Variants in TMEM200A observed in about 807,000 individuals in gnomAD.
TMEM200A encodes the protein two transmembrane C.
A neutral mutation model predicts 24.3 loss-of-function variants in TMEM200A; 12 were observed. The ratio of observed to expected loss-of-function variants is 0.49; its 90% CI spans 0.32 to 0.80. The LOEUF is 0.80. Ranked by LOEUF, TMEM200A falls within the 30% of genes least tolerant of loss-of-function variation. TMEM200A has a pLI of 0.04. For synonymous variants in TMEM200A, 224 were observed against 224.4 expected (o/e 1.00, Z 0.02); for missense variants, 545 against 614.4 (o/e 0.89, Z 1.19).
chr6:130,399,656 A>G (rs1029386709), intron 2 of TMEM200A, among the ~76,000 whole-genome samples: 4 of 150,350 alleles, frequency 2.7e-5, no homozygotes, highest in African/African-American at 9.8e-5. Flanking sequence ...TTTATTCCCT[A>G]TTTATATTCA....
intron 2 of TMEM200A, among the ~76,000 whole-genome samples, chr6:130,429,642 T>A (rs1779828583): frequency 6.6e-6 from 1 of 152,118 alleles, no homozygotes; most frequent in African/African-American, 2.4e-5. Context: ...ATGCAAGGAA[T>A]TAAACCATAA....
chr6:130,406,370 T>C (rs1456329942), intron 2 of TMEM200A, among the ~76,000 whole-genome samples: 1 of 152,076 alleles, frequency 6.6e-6, no homozygotes, highest in Non-Finnish European at 1.5e-5. Context: ...CCCTAAACAA[T>C]ATCTTGGATT....
chr6:130,437,665 C>G (rs2115231206), intron 2 of TMEM200A: 1 of 152,250 alleles, frequency 6.6e-6, no homozygotes. Flanking sequence ...TTCTCAACTA[C>G]TCTGGAAGTT....
Position 130,440,387 on chromosome 6 carries a change from C to CTTTT in TMEM200A, c.-16-13_-16-10dup. The CTTTT allele has an allele frequency of 7.5e-7, 1 of 1,341,998 alleles. No homozygotes were observed. Among genetic ancestry groups the CTTTT allele is most frequent in the Non-Finnish European group, 9.9e-7 (1 of 1,005,094 alleles). 83.1% of individuals were successfully genotyped at this position (1,341,998 alleles called of 1,614,324 possible). A position where few individuals can be genotyped will look rare whatever the true frequency, so the allele number is the denominator to read the frequency against. ...GGAACATATTTACATCATCTTTTTC[C>CTTTT]TTTTTTTTTTCTTCTTCAGAGTAAA... On this transcript the variant is annotated intron_variant, in intron 2 of 2. Coordinates refer to ENST00000296978, the MANE Select transcript of TMEM200A (RefSeq NM_001258277.2).
rs1317891593 is a variant in TMEM200A, at chr6:130,441,273, C to A, written c.851C>A (p.Ser284Tyr). The change falls in exon 3 of 3, where the codon TCC (serine) becomes TAC (tyrosine). Residue 284 changes from serine to tyrosine, a missense_variant. By Grantham distance (144) the Ser-to-Tyr change is moderately radical. Transcript: ENST00000296978. ...KCETKSIVSS[S>Y]ISAFTLPVIK... is the part of the protein sequence containing the mutation. ...GAAACCAAGTCAATTGTGTCATCGT[C>A]CATCAGTGCTTTTACATTGCCTGTG... is the stretch of plus-strand genomic sequence containing the variant. 5 of 1,613,992 alleles carry A rather than the reference C, an allele frequency of 3.1e-6. No homozygotes were observed. The highest frequency in any genetic ancestry group is 4.2e-6 in the Non-Finnish European group (5 of 1,180,000).
chr6:130,378,445 C>T (rs1337158408), intron 1 of TMEM200A, among the ~76,000 whole-genome samples: 4 of 151,966 alleles, frequency 2.6e-5, no homozygotes, highest in African/African-American at 7.2e-5. Context: ...AGATCTTGGC[C>T]GGGCATGGTG....
intron 2 of TMEM200A, among the ~76,000 whole-genome samples, chr6:130,423,944 T>G (rs147351840): frequency 0.014 from 2,203 of 152,286 alleles, 26 homozygotes; most frequent in Middle Eastern, 0.027. Context: ...GGTTATAAGT[T>G]GAACTTATTT....
intron 1 of TMEM200A, among the ~76,000 whole-genome samples, chr6:130,376,850 CACTTT>C (rs1247925186): frequency 6.6e-6 from 1 of 152,136 alleles, no homozygotes; most frequent in Non-Finnish European, 1.5e-5. Flanking sequence ...GGTCTTATCA[CACTTT>C]ACTTGACTTG....
rs1424398831 is a variant in TMEM200A, at chr6:130,426,308, T to C, written c.-16-14099T>C. On this transcript the variant is annotated intron_variant, in intron 2 of 2. Coordinates refer to ENST00000296978, the MANE Select transcript of TMEM200A (RefSeq NM_001258277.2). Reference sequence around the variant, plus strand: ...CATGGTCTCTGTAGAAACAGGACTGTGCAGCACGCAAAAGATGAAACAGGA... The same window carrying C: ...CATGGTCTCTGTAGAAACAGGACTGCGCAGCACGCAAAAGATGAAACAGGA... 3.3e-5 allele frequency among the ~76,000 whole-genome samples: 5 copies of C among 152,056 alleles called. No homozygotes were observed. In the East Asian group the frequency reaches 7.7e-4, roughly 23 times the overall value.
chr6:130,436,662 T>TTTTTTTTC (rs1408022765), intron 2 of TMEM200A, among the ~76,000 whole-genome samples: 2 of 128,286 alleles, frequency 1.6e-5, no homozygotes, highest in African/African-American at 6.2e-5. Flanking sequence ...TTTTTTTTTT[T>TTTTTTTTC]CAGAGAGACA....
At chr6:130,416,818 G>C (rs1034735585) in intron 2 of TMEM200A, among the ~76,000 whole-genome samples, 1 of 152,082 alleles carries the variant, frequency 6.6e-6, no homozygotes, top group Non-Finnish European at 1.5e-5. Flanking sequence ...TCCTTAATAT[G>C]ATCTATGAAA....
At chr6:130,440,246 G>A (rs1161276164) in intron 2 of TMEM200A, among the ~76,000 whole-genome samples, 161 bp from the exon 3 acceptor site, 5 of 152,048 alleles carry the variant, frequency 3.3e-5, no homozygotes, top group Admixed American at 6.5e-5. Context: ...AATAAAATTT[G>A]TACCCAAACT....
Position 130,370,718 on chromosome 6 carries a change from C to A in TMEM200A, c.-81+4194C>A, listed in dbSNP as rs1246176623. ...AGGATTGTTTCCAGAATGGGAAACA[C>A]CCATTCTGGAATGAATGGGAAGCCA... On this transcript the variant is annotated intron_variant, in intron 1 of 2. Coordinates refer to ENST00000296978, the MANE Select transcript of TMEM200A (RefSeq NM_001258277.2). Among the ~76,000 whole-genome samples the A allele has an allele frequency of 3.3e-5, 5 of 151,982 alleles. No individual in the cohort carries two copies. The East Asian group carries it at 9.7e-4, about 29-fold the overall frequency.
chr6:130,425,292 G>T (rs1779703041), intron 2 of TMEM200A, among the ~76,000 whole-genome samples: 1 of 149,092 alleles, frequency 6.7e-6, no homozygotes, highest in Admixed American at 6.8e-5. Context: ...GTTATAATTG[G>T]TCTGGATTGA....
rs149023163 is a variant in TMEM200A at position 130,431,955 on chromosome 6, G to C, written c.-16-8452G>C. On this transcript the variant is annotated intron_variant, in intron 2 of 2. Coordinates refer to ENST00000296978, the MANE Select transcript of TMEM200A (RefSeq NM_001258277.2). ...ATTTTGCAAATTTTCTAAACATTTTGTACTTCCTTTTAGTTCCAGCATTCA... is the reference window on the plus strand; with the variant it reads ...ATTTTGCAAATTTTCTAAACATTTTCTACTTCCTTTTAGTTCCAGCATTCA... Among the ~76,000 whole-genome samples, 213 of 152,140 alleles carry C rather than the reference G, an allele frequency of 1.4e-3. 2 individuals are homozygous for C. Among genetic ancestry groups the C allele is most frequent in the African/African-American group, 4.9e-3 (203 of 41,518 alleles).
chr6:130,382,455 T>C (rs1022225039), intron 1 of TMEM200A, among the ~76,000 whole-genome samples: 1 of 152,218 alleles, frequency 6.6e-6, no homozygotes, highest in Non-Finnish European at 1.5e-5. Context: ...CTTGAATTAG[T>C]GCATCTCTTT....
At chr6:130,394,088 T>G (rs1381031796) in intron 2 of TMEM200A, among the ~76,000 whole-genome samples, 1 of 152,192 alleles carries the variant, frequency 6.6e-6, no homozygotes, top group Non-Finnish European at 1.5e-5. Flanking sequence ...TTCAATATAC[T>G]GTACTTGGGA....
chr6:130,383,797 C>T (rs1200428361), intron 1 of TMEM200A, among the ~76,000 whole-genome samples: 2 of 152,120 alleles, frequency 1.3e-5, no homozygotes, highest in African/African-American at 2.4e-5. Context: ...CATAGAACCT[C>T]GTAGGAATAA....
intron 1 of TMEM200A, among the ~76,000 whole-genome samples, chr6:130,384,305 G>A (rs981143640): frequency 1.3e-5 from 2 of 152,122 alleles, no homozygotes; most frequent in Non-Finnish European, 2.9e-5. Flanking sequence ...ATAATGTTCT[G>A]TTACCTGTGT....
Sources: gnomAD v4.1 joint callset for allele counts (sites outside exome capture counted in the v4.1 genomes callset) on GRCh38, gnomAD v4.1.1 for gene constraint, MANE v1.5 for transcripts, NCBI Gene and HGNC (gene_info 2026-07-23, HGNC 2026-07-21) for gene names.